Variants in MATCAP2 observed in about 807,000 individuals in gnomAD.
The protein encoded by MATCAP2 is putative tyrosine carboxypeptidase MATCAP2.
the MATCAP2 span, among the ~76,000 whole-genome samples, chr7:36,363,609 A>G: frequency 6.6e-6 from 1 of 152,242 alleles, no homozygotes; most frequent in African/African-American, 2.4e-5. Context: ...TACAGTCACT[A>G]TAATAGTGAG....
At chr7:36,367,279 T>G in the MATCAP2 span, 1 of 1,034,470 alleles carries the variant, frequency 9.7e-7, no homozygotes, top group Non-Finnish European at 1.2e-6. Flanking sequence ...TCACGGAGCC[T>G]GCGCGCCGCT....
the MATCAP2 span, among the ~76,000 whole-genome samples, chr7:36,384,833 A>G: frequency 6.6e-6 from 1 of 152,126 alleles, no homozygotes; most frequent in Admixed American, 6.6e-5. Context: ...TATGACCAGA[A>G]AAAAGGCCTG....
chr7:36,379,184 T>C, the MATCAP2 span, among the ~76,000 whole-genome samples: 1 of 152,190 alleles, frequency 6.6e-6, no homozygotes, highest in Non-Finnish European at 1.5e-5. Flanking sequence ...TCTGTGTCAA[T>C]CATGCTGGGA....
the MATCAP2 span, among the ~76,000 whole-genome samples, chr7:36,376,023 T>A: frequency 6.6e-6 from 1 of 152,208 alleles, no homozygotes; most frequent in Admixed American, 6.5e-5. Context: ...ATTTTGTTGA[T>A]CTTTTCAAAA....
chr7:36,389,913 C>T, the MATCAP2 span: 24 of 1,590,728 alleles, frequency 1.5e-5, no homozygotes, highest in East Asian at 5.2e-4. Flanking sequence ...TGGGAGAGTT[C>T]CCCCGCCTCA....
the MATCAP2 span, among the ~76,000 whole-genome samples, chr7:36,367,564 G>A: frequency 6.6e-6 from 1 of 152,198 alleles, no homozygotes; most frequent in Non-Finnish European, 1.5e-5. Context: ...TACGAGGTGC[G>A]GGGAAGCTAA....
the MATCAP2 span, among the ~76,000 whole-genome samples, chr7:36,371,600 G>A: frequency 1.4e-4 from 22 of 152,214 alleles, 1 homozygote; most frequent in South Asian, 4.6e-3. Flanking sequence ...TCAACATCCT[G>A]CTTGTTAAAG....
chr7:36,334,848 T>G, the MATCAP2 span, among the ~76,000 whole-genome samples: 1 of 152,110 alleles, frequency 6.6e-6, no homozygotes, highest in South Asian at 2.1e-4. Flanking sequence ...CCTAAACACT[T>G]CCCTTAAAAA....
At chr7:36,326,064 A>G in the MATCAP2 span, 1 of 152,114 alleles carries the variant, frequency 6.6e-6, no homozygotes, top group Non-Finnish European at 1.5e-5. Context: ...AAAGACGTTA[A>G]AACTCTGTAA....
chr7:36,387,863 C>G, the MATCAP2 span, among the ~76,000 whole-genome samples: 1 of 152,052 alleles, frequency 6.6e-6, no homozygotes, highest in East Asian at 1.9e-4. Context: ...GACTCATTTT[C>G]CAACGTTGTT....
chr7:36,348,496 T>A, the MATCAP2 span, among the ~76,000 whole-genome samples: 3 of 152,230 alleles, frequency 2.0e-5, no homozygotes, highest in African/African-American at 7.2e-5. Context: ...CAGGCTGAAC[T>A]TGACCCCTGG....
the MATCAP2 span, chr7:36,333,891 C>T: frequency 6.2e-6 from 10 of 1,613,672 alleles, no homozygotes; most frequent in African/African-American, 2.7e-5. Context: ...CCTCTTGGCC[C>T]GTACACAATA....
chr7:36,341,420 G>C, the MATCAP2 span, among the ~76,000 whole-genome samples: 2 of 152,196 alleles, frequency 1.3e-5, no homozygotes, highest in Non-Finnish European at 2.9e-5. Context: ...ACTCCTGATT[G>C]TAATACATCA....
the MATCAP2 span, among the ~76,000 whole-genome samples, chr7:36,347,397 C>A: frequency 6.6e-6 from 1 of 152,136 alleles, no homozygotes; most frequent in Non-Finnish European, 1.5e-5. Context: ...GCAGTTTTCA[C>A]TTAATGAAAA....
chr7:36,343,649 A>AG, the MATCAP2 span, among the ~76,000 whole-genome samples: 89 of 5,218 alleles, frequency 0.017, no homozygotes, highest in East Asian at 0.31. Flanking sequence ...AGAAAAAGAA[A>AG]AGAGAAGGAA....
chr7:36,347,592 C>T, the MATCAP2 span, among the ~76,000 whole-genome samples: 32 of 152,124 alleles, frequency 2.1e-4, no homozygotes, highest in Non-Finnish European at 4.6e-4. Context: ...AAATCTCTGC[C>T]CTATTTACCC....
At chr7:36,337,919 T>A in the MATCAP2 span, 10 of 152,198 alleles carry the variant, frequency 6.6e-5, no homozygotes, top group Non-Finnish European at 1.0e-4. Flanking sequence ...TATATCATCA[T>A]TGGTATGTTA....
chr7:36,352,985 A>G, the MATCAP2 span, among the ~76,000 whole-genome samples: 2 of 152,050 alleles, frequency 1.3e-5, no homozygotes, highest in East Asian at 3.9e-4. Flanking sequence ...TCAAGATGCT[A>G]CAGGTCAGGC....
the MATCAP2 span, among the ~76,000 whole-genome samples, chr7:36,378,304 T>C: frequency 2.6e-5 from 4 of 152,222 alleles, no homozygotes; most frequent in Admixed American, 6.5e-5. Context: ...GTCCTTTCTG[T>C]TTGTTAGTTT....
Sources: allele counts gnomAD v4.1 joint callset (sites outside exome capture counted in the v4.1 genomes callset), GRCh38; gene constraint gnomAD v4.1.1; transcripts MANE v1.5; gene names NCBI Gene and HGNC (gene_info 2026-07-23, HGNC 2026-07-21).